The following OR10J1 variants were observed in gnomAD, a reference collection of about 807,000 sequenced individuals.
OR10J1 encodes the protein olfactory receptor 10J1.
For synonymous variants in OR10J1, 202 were observed against 143.8 expected (o/e 1.40, Z -2.89); for missense variants, 474 against 376.6 (o/e 1.26, Z -2.14).
chr1:159,440,443 G>A lies in OR10J1; in HGVS notation c.652G>A (p.Val218Ile). The change falls in exon 1 of 1, where the codon GTT becomes ATT. Residue 218 changes from valine to isoleucine, a missense_variant. Transcript: ENST00000423932. ...TATGGGTCTGGTTTTCATTTCTTAT[G>A]TTCTCATTATCTCTACAATCCTCAA... is the stretch of plus-strand genomic sequence containing the variant. ...VPMGLVFISY[V>I]LIISTILKIA... 1 of 1,614,076 alleles carries A rather than the reference G, an allele frequency of 6.2e-7. No homozygotes were observed. Among genetic ancestry groups the A allele is most frequent in the East Asian group, 2.2e-5 (1 of 44,872 alleles).
At chr1:159,412,627 T>C in the OR10J1 span, among the ~76,000 whole-genome samples, 1 of 151,412 alleles carries the variant, frequency 6.6e-6, no homozygotes, top group Non-Finnish European at 1.5e-5. Context: ...GAAAACTGGC[T>C]AGCCATATGT....
At chr1:159,425,282 G>T in the OR10J1 span, among the ~76,000 whole-genome samples, 1 of 152,044 alleles carries the variant, frequency 6.6e-6, no homozygotes, top group Non-Finnish European at 1.5e-5. Context: ...TGAGAGACAA[G>T]AAAATCCCAG....
At chr1:159,420,633 C>A in the OR10J1 span, among the ~76,000 whole-genome samples, 26 of 151,818 alleles carry the variant, frequency 1.7e-4, no homozygotes, top group Non-Finnish European at 3.7e-4. Flanking sequence ...GGAGAGGACT[C>A]TATTTCTCCT....
chr1:159,433,050 C>A (rs1655626861), upstream of OR10J1: 1 of 450,238 alleles, frequency 2.2e-6, no homozygotes, highest in Admixed American at 3.4e-5. Flanking sequence ...GTTATTACTC[C>A]TCTGCTGAAC....
In OR10J1 at chr1:159,440,315, ACTT is replaced by A. The variant is rs1190459863; in HGVS notation, c.530_532del (p.Phe177del). The A allele has an allele frequency of 4.3e-6, 7 of 1,613,978 alleles. No homozygotes were observed. The highest frequency in any genetic ancestry group is 4.2e-6 in the Non-Finnish European group (5 of 1,180,012). On this transcript the variant is annotated inframe_deletion, in exon 1 of 1. Coordinates refer to ENST00000423932, the MANE Select transcript of OR10J1 (RefSeq NM_012351.3). ...CCCTTCTGTGCTAGAAAGGTGCCCC[ACTT>A]CTTCTGTGACATCCGCCCTGTGATG...
At chr1:159,415,795 ATAAT>A in the OR10J1 span, among the ~76,000 whole-genome samples, 6 of 152,042 alleles carry the variant, frequency 3.9e-5, no homozygotes, top group South Asian at 2.1e-4. Context: ...TTATTTAATG[ATAAT>A]TAATTGTTTA....
chr1:159,440,487 C>T lies in OR10J1; in HGVS notation c.696C>T (p.Gly232=), dbSNP rs747548736. The T allele has an allele frequency of 2.3e-5, 37 of 1,613,944 alleles. No individual in the cohort carries two copies. The highest frequency in any genetic ancestry group is 1.2e-4 in the Admixed American group (7 of 59,974). The change falls in exon 1 of 1, where the codon GGC becomes GGT. Residue 232 remains glycine (G), a synonymous_variant. Coordinates refer to ENST00000423932, the MANE Select transcript of OR10J1 (RefSeq NM_012351.3). ...TCCTCAAGATTGCTTCAGTTGAGGG[C>T]CGGAAGAAGGCTTTTGCCACCTGTG... The part of the protein sequence containing the change: ...STILKIASVE[G]RKKAFATCAS...
chr1:159,436,173 C>A (rs1655732759), upstream of OR10J1, among the ~76,000 whole-genome samples: 1 of 151,884 alleles, frequency 6.6e-6, no homozygotes, highest in African/African-American at 2.4e-5. Context: ...AAGTCTTGAG[C>A]TCTTTAGCCC....
the OR10J1 span, among the ~76,000 whole-genome samples, chr1:159,415,952 C>T: frequency 2.0e-5 from 3 of 151,504 alleles, no homozygotes; most frequent in Non-Finnish European, 4.4e-5. Flanking sequence ...AATGGGATTG[C>T]CTTCTTTATT....
At chr1:159,408,973 A>G in the OR10J1 span, among the ~76,000 whole-genome samples, 1 of 152,062 alleles carries the variant, frequency 6.6e-6, no homozygotes, top group Non-Finnish European at 1.5e-5. Context: ...AAACCAAGCT[A>G]TGACCCTGGG....
rs200678837 is a variant in OR10J1 at position 159,439,722 on chromosome 1, T to C, written c.-70T>C. On this transcript the variant is annotated 5_prime_UTR_variant, in exon 1 of 1. Coordinates refer to ENST00000423932, the MANE Select transcript of OR10J1 (RefSeq NM_012351.3). Reference sequence around the variant, plus strand: ...ATTGAACTTCAATCAATTTCAGAAATGTGCTTCTACTGCTTTACTGGGACT... The same window carrying C: ...ATTGAACTTCAATCAATTTCAGAAACGTGCTTCTACTGCTTTACTGGGACT... 6.3e-7 allele frequency: 1 copy of C among 1,584,438 alleles called. No homozygotes were observed. The highest frequency in any genetic ancestry group is 2.2e-5 in the East Asian group (1 of 44,518).
chr1:159,408,694 C>T, the OR10J1 span, among the ~76,000 whole-genome samples: 1 of 151,934 alleles, frequency 6.6e-6, no homozygotes, highest in Admixed American at 6.6e-5. Context: ...ACACAAGTTC[C>T]TCATCTATAA....
the OR10J1 span, among the ~76,000 whole-genome samples, chr1:159,409,750 G>A: frequency 2.6e-5 from 4 of 152,134 alleles, no homozygotes; most frequent in African/African-American, 9.7e-5. Flanking sequence ...TAGGAGTGGT[G>A]AGAGAGGGCA....
chr1:159,408,055 G>T, the OR10J1 span, among the ~76,000 whole-genome samples: 1 of 152,042 alleles, frequency 6.6e-6, no homozygotes, highest in Non-Finnish European at 1.5e-5. Flanking sequence ...TATTGTCCAA[G>T]ATAGTAAAGG....
the OR10J1 span, among the ~76,000 whole-genome samples, chr1:159,412,442 C>T: frequency 2.6e-4 from 39 of 150,296 alleles, no homozygotes; most frequent in East Asian, 7.1e-3. Flanking sequence ...AACTATACTA[C>T]AAGGCTACAG....
the OR10J1 span, among the ~76,000 whole-genome samples, chr1:159,403,213 C>A: frequency 3.3e-5 from 5 of 152,030 alleles, no homozygotes; most frequent in East Asian, 3.8e-4. Context: ...GCAAAAATTT[C>A]TTGAGCAATA....
the OR10J1 span, among the ~76,000 whole-genome samples, chr1:159,421,402 T>G: frequency 6.6e-6 from 1 of 152,220 alleles, no homozygotes; most frequent in African/African-American, 2.4e-5. Flanking sequence ...GGCAAATTTC[T>G]TTTTGATTTG....
At chr1:159,430,386 A>G in the OR10J1 span, among the ~76,000 whole-genome samples, 4 of 152,130 alleles carry the variant, frequency 2.6e-5, no homozygotes, top group Non-Finnish European at 4.4e-5. Flanking sequence ...TTCATCTTAC[A>G]AGTGAAGAAA....
At chr1:159,432,536 TA>T in the OR10J1 span, 3 of 467,738 alleles carry the variant, frequency 6.4e-6, no homozygotes, top group Non-Finnish European at 1.2e-5. Flanking sequence ...TTGGTGTCAA[TA>T]AATGCTTCCT....
Sources: allele counts gnomAD v4.1 joint callset (sites outside exome capture counted in the v4.1 genomes callset), GRCh38; gene constraint gnomAD v4.1.1; transcripts MANE v1.5; gene names NCBI Gene and HGNC (gene_info 2026-07-23, HGNC 2026-07-21).